Variants in POU5F2 observed in about 807,000 individuals in gnomAD.
The protein encoded by POU5F2 is POU domain class 5, transcription factor 2, also known as POU domain, class 5, transcription factor 2.
For synonymous variants in POU5F2, 191 were observed against 178.7 expected, an observed-to-expected ratio of 1.07 and a Z score of -0.55; for missense variants, 401 against 426.6, an observed-to-expected ratio of 0.94 and a Z score of 0.53.
chr5:93,741,367 C>G lies in POU5F2; in HGVS notation c.197G>C (p.Gly66Ala), dbSNP rs762990553. 17 of 1,611,536 alleles carry G rather than the reference C, an allele frequency of 1.1e-5. No individual in the cohort carries two copies. The Admixed American group carries it at 1.3e-4, about 13-fold the overall frequency. Residue 66 changes from glycine to alanine, a missense_variant, in exon 1 of 1, where the codon GGT (glycine) becomes GCT (alanine). Physicochemically the swap from Gly to Ala is moderately conservative, Grantham distance 60. Transcript: ENST00000606183. The part of the protein sequence containing the change: ...PGPDVWRIPL[G>A]PLPHEFRGWI... ...GCCCCGGAATTCGTGTGGCAGGGGA[C>G]CCAGGGGAATCCTCCACACGTCAGG...
chr5:93,740,109 T>A lies in POU5F2; in HGVS notation c.*468A>T, dbSNP rs1312436449. On this transcript the variant is annotated 3_prime_UTR_variant, in exon 1 of 1. Coordinates refer to ENST00000606183, the MANE Select transcript of POU5F2 (RefSeq NM_153216.2). ...ACATTCTCAAGTCATTCCCTCAAGA[T>A]AACTATTATCCTGGATTTTGTGTTT... The A allele has an allele frequency of 1.3e-5, 2 of 152,544 alleles. No homozygotes were observed. The highest frequency in any genetic ancestry group is 4.8e-5 in the African/African-American group (2 of 41,422). 9.4% of individuals were successfully genotyped at this position (152,544 alleles called of 1,614,324 possible). A position where few individuals can be genotyped will look rare whatever the true frequency, so the allele number is the denominator to read the frequency against.
At position 93,740,461 on chromosome 5, in the gene POU5F2, A is replaced by T; in HGVS notation, c.*116T>A. 3 of 1,147,696 alleles carry T rather than the reference A, an allele frequency of 2.6e-6. No homozygotes were observed. Among genetic ancestry groups the T allele is most frequent in the Non-Finnish European group, 3.7e-6 (3 of 809,878 alleles). 71.1% of individuals were successfully genotyped at this position (1,147,696 alleles called of 1,614,324 possible). The stretch of plus-strand genomic sequence containing the variant: ...CCTACTATGTATCCTTAACTTCTTT[A>T]GACAGTGAATGAGAAATTAATACTA... On this transcript the variant is annotated 3_prime_UTR_variant, in exon 1 of 1. Transcript: ENST00000606183.
At position 93,741,241 on chromosome 5, in the gene POU5F2, C is replaced by G. The variant is rs1377123977; in HGVS notation, c.323G>C (p.Arg108Pro). 4 of 1,613,820 alleles carry G rather than the reference C, an allele frequency of 2.5e-6. No individual in the cohort carries two copies. The highest frequency in any genetic ancestry group is 1.3e-5 in the African/African-American group (1 of 74,940). ...GALPGPYIALRSIPKLPPPED... is the reference protein window; with the variant it reads ...GALPGPYIALPSIPKLPPPED... ...TGGCGGCGGCAACTTCGGAATGCTCCGCAGGGCAATGTAGGGCCCCGGGAG... is the reference window on the plus strand; with the variant it reads ...TGGCGGCGGCAACTTCGGAATGCTCGGCAGGGCAATGTAGGGCCCCGGGAG... Residue 108 changes from arginine (R) to proline (P), a missense_variant, in exon 1 of 1, where the codon CGG becomes CCG. Transcript: ENST00000606183.
rs1468206933 is a variant in POU5F2 at position 93,736,531 on chromosome 5, C to A, written c.*4046G>T. Reference sequence around the variant, plus strand: ...CCCGGGTGAGTCATTTACTCTTACACAAAGATGTCATGAGAATGAGATCCC... The same window carrying A: ...CCCGGGTGAGTCATTTACTCTTACAAAAAGATGTCATGAGAATGAGATCCC... On this transcript the variant is annotated 3_prime_UTR_variant, in exon 1 of 1. Transcript: ENST00000606183. 6.6e-6 allele frequency: 1 copy of A among 151,986 alleles called. No homozygotes were observed. The highest frequency in any genetic ancestry group is 1.5e-5 in the Non-Finnish European group (1 of 68,010). The allele number at this position is 151,986 out of a possible 1,614,324, so 9.4% of individuals were successfully genotyped here. A position where few individuals can be genotyped will look rare whatever the true frequency, so the allele number is the denominator to read the frequency against.
In POU5F2 at chr5:93,736,541, A is replaced by G. The variant is rs1747252254; in HGVS notation, c.*4036T>C. 6.6e-6 allele frequency: 1 copy of G among 152,212 alleles called. No individual in the cohort carries two copies. The highest frequency in any genetic ancestry group is 1.5e-5 in the Non-Finnish European group (1 of 68,040). The allele number at this position is 152,212 out of a possible 1,614,324, so 9.4% of individuals were successfully genotyped here. Reference sequence around the variant, plus strand: ...TCATTTACTCTTACACAAAGATGTCATGAGAATGAGATCCCTCAAAACAGA... The same window carrying G: ...TCATTTACTCTTACACAAAGATGTCGTGAGAATGAGATCCCTCAAAACAGA... On this transcript the variant is annotated 3_prime_UTR_variant, in exon 1 of 1. Transcript: ENST00000606183.
chr5:93,741,056 G>A, the POU5F2 span: 37 of 1,613,814 alleles, frequency 2.3e-5, no homozygotes, highest in Non-Finnish European at 3.1e-5. Context: ...CTTAGCTGCT[G>A]GGCCTCGAAG....
In POU5F2 at chr5:93,736,466, T is replaced by C. The variant is rs571353811; in HGVS notation, c.*4111A>G. ...GCTACATCTGGGCTACTTCATGTTG[T>C]GGACTATGGAAGATCTGGTTTAAAA... On this transcript the variant is annotated 3_prime_UTR_variant, in exon 1 of 1. Coordinates refer to ENST00000606183, the MANE Select transcript of POU5F2 (RefSeq NM_153216.2). 22 of 152,358 alleles carry C rather than the reference T, an allele frequency of 1.4e-4. No individual in the cohort carries two copies. The highest frequency in any genetic ancestry group is 5.3e-4 in the African/African-American group (22 of 41,586). 9.4% of individuals were successfully genotyped at this position (152,358 alleles called of 1,614,324 possible).
rs1209021399 is a variant in POU5F2 at position 93,734,676 on chromosome 5, G to A, written c.*5901C>T. The A allele has an allele frequency of 6.6e-6, 1 of 152,084 alleles. No homozygotes were observed. The highest frequency in any genetic ancestry group is 2.4e-5 in the African/African-American group (1 of 41,406). The allele number at this position is 152,084 out of a possible 1,614,324, so 9.4% of individuals were successfully genotyped here. A position where few individuals can be genotyped will look rare whatever the true frequency, so the allele number is the denominator to read the frequency against. ...AAATTTATTTTTAAAATTAAGGCAG[G>A]GGAAAATCTGGGCAAATATGAAGAC... On this transcript the variant is annotated 3_prime_UTR_variant, in exon 1 of 1. Transcript: ENST00000606183.
At position 93,738,479 on chromosome 5, in the gene POU5F2, CAAAT is replaced by C. The variant is rs1434328309; in HGVS notation, c.*2094_*2097del. ...CAAGAGAACTGAAACAACAGATAAA[CAAAT>C]AGATTATTATATGTAAATGTTCATA... On this transcript the variant is annotated 3_prime_UTR_variant, in exon 1 of 1. Transcript: ENST00000606183. 6.6e-6 allele frequency: 1 copy of C among 152,124 alleles called. No homozygotes were observed. The highest frequency in any genetic ancestry group is 2.4e-5 in the African/African-American group (1 of 41,412). The allele number at this position is 152,124 out of a possible 1,614,324, so 9.4% of individuals were successfully genotyped here.
rs1748208805 is a variant in POU5F2, at chr5:93,740,658, G to C, written c.906C>G (p.Ile302Met). The C allele has an allele frequency of 2.5e-6, 4 of 1,613,894 alleles. No individual in the cohort carries two copies. Among genetic ancestry groups the C allele is most frequent in the Non-Finnish European group, 3.4e-6 (4 of 1,179,818 alleles). ...CAGAGTAGAGACGTGTATAGTGGGG[G>C]ATATCCACTGGGAGCCCCAGTCCCA... ...FHLGLGLPVD[I>M]PHYTRLYSAG... Residue 302 changes from isoleucine (I) to methionine (M), a missense_variant, in exon 1 of 1, where the codon ATC becomes ATG. Physicochemically the swap from Ile to Met is conservative, Grantham distance 10. Coordinates refer to ENST00000606183, the MANE Select transcript of POU5F2 (RefSeq NM_153216.2).
rs1747340437 is a variant in POU5F2 at position 93,736,940 on chromosome 5, C to T, written c.*3637G>A. 6.6e-6 allele frequency: 1 copy of T among 152,134 alleles called. No individual in the cohort carries two copies. The highest frequency in any genetic ancestry group is 2.4e-5 in the African/African-American group (1 of 41,444). 9.4% of individuals were successfully genotyped at this position (152,134 alleles called of 1,614,324 possible). ...GCTACTTTTATACAACACAGTACTA[C>T]ACATTTTTGCCAGAGCAAGTGAGTA... On this transcript the variant is annotated 3_prime_UTR_variant, in exon 1 of 1. Transcript: ENST00000606183.
chr5:93,740,852 G>A, the POU5F2 span: 1 of 1,613,840 alleles, frequency 6.2e-7, no homozygotes, highest in Non-Finnish European at 8.5e-7. Context: ...CTGATTTGCT[G>A]GGGTGTGGGC....
At position 93,737,645 on chromosome 5, in the gene POU5F2, G is replaced by C. The variant is rs558644357; in HGVS notation, c.*2932C>G. On this transcript the variant is annotated 3_prime_UTR_variant, in exon 1 of 1. Transcript: ENST00000606183. ...GTACTGGCATAAAGACAGACATATA[G>C]ACCAACAGAAGAGAGTTGAGAGCCC... is the stretch of plus-strand genomic sequence containing the variant. 1.4e-5 allele frequency: 3 copies of C among 208,416 alleles called. No individual in the cohort carries two copies. Among genetic ancestry groups the C allele is most frequent in the African/African-American group, 7.1e-5 (3 of 42,218 alleles). 12.9% of individuals were successfully genotyped at this position (208,416 alleles called of 1,614,324 possible).
Position 93,736,812 on chromosome 5 carries a change from G to T in POU5F2, c.*3765C>A, listed in dbSNP as rs980344373. The T allele has an allele frequency of 1.3e-5, 2 of 152,138 alleles. No individual in the cohort carries two copies. The allele number at this position is 152,138 out of a possible 1,614,324, so 9.4% of individuals were successfully genotyped here. A position where few individuals can be genotyped will look rare whatever the true frequency, so the allele number is the denominator to read the frequency against. ...AAGAAAAAAGGAACTTCCTCAACAT[G>T]TAGAGTACGTATGAAAAAGCCAGAG... is the stretch of plus-strand genomic sequence containing the variant. On this transcript the variant is annotated 3_prime_UTR_variant, in exon 1 of 1. Transcript: ENST00000606183.
Position 93,739,534 on chromosome 5 carries a change from CAATA to C in POU5F2, c.*1039_*1042del, listed in dbSNP as rs754288582. The C allele has an allele frequency of 4.6e-5, 7 of 151,944 alleles. No homozygotes were observed. Among genetic ancestry groups the C allele is most frequent in the Non-Finnish European group, 7.4e-5 (5 of 68,012 alleles). 9.4% of individuals were successfully genotyped at this position (151,944 alleles called of 1,614,324 possible). A position where few individuals can be genotyped will look rare whatever the true frequency, so the allele number is the denominator to read the frequency against. On this transcript the variant is annotated 3_prime_UTR_variant, in exon 1 of 1. Coordinates refer to ENST00000606183, the MANE Select transcript of POU5F2 (RefSeq NM_153216.2). ...AATACATACTGATAGAATTCTAGGA[CAATA>C]AATAGAGCATGCAGGTGTGTGACAG... is the stretch of plus-strand genomic sequence containing the variant.
In POU5F2 at chr5:93,733,942, C is replaced by T. The variant is rs945372351; in HGVS notation, c.*6635G>A. On this transcript the variant is annotated 3_prime_UTR_variant, in exon 1 of 1. Transcript: ENST00000606183. ...GGCAAGACTATTTCTAGAAGAAAGG[C>T]ATAAACAAAAGTGGCTATTCTGAAA... 3 of 152,096 alleles carry T rather than the reference C, an allele frequency of 2.0e-5. No individual in the cohort carries two copies. Among genetic ancestry groups the T allele is most frequent in the Non-Finnish European group, 2.9e-5 (2 of 67,996 alleles). The allele number at this position is 152,096 out of a possible 1,614,324, so 9.4% of individuals were successfully genotyped here.
chr5:93,737,230 T>C lies in POU5F2; in HGVS notation c.*3347A>G, dbSNP rs555084732. On this transcript the variant is annotated 3_prime_UTR_variant, in exon 1 of 1. Coordinates refer to ENST00000606183, the MANE Select transcript of POU5F2 (RefSeq NM_153216.2). Reference sequence around the variant, plus strand: ...AGAATAAAATGCCCACAAATAACTTTAAGAAAGTGAAAGGCTTGTACACTG... The same window carrying C: ...AGAATAAAATGCCCACAAATAACTTCAAGAAAGTGAAAGGCTTGTACACTG... The C allele has an allele frequency of 3.3e-5, 5 of 152,228 alleles. No homozygotes were observed. Among genetic ancestry groups the C allele is most frequent in the Admixed American group, 3.3e-4 (5 of 15,290 alleles). The allele number at this position is 152,228 out of a possible 1,614,324, so 9.4% of individuals were successfully genotyped here.
chr5:93,736,643 C>G lies in POU5F2; in HGVS notation c.*3934G>C, dbSNP rs1255147162. The G allele has an allele frequency of 2.6e-5, 4 of 152,054 alleles. No individual in the cohort carries two copies. In the East Asian group the frequency reaches 7.7e-4, roughly 29 times the overall value. The allele number at this position is 152,054 out of a possible 1,614,324, so 9.4% of individuals were successfully genotyped here. ...TGTGGGTGCAATGGTGATGGTAGTA[C>G]TGGGGAAGGAAGTAGTGGTACTGGT... On this transcript the variant is annotated 3_prime_UTR_variant, in exon 1 of 1. Transcript: ENST00000606183.
chr5:93,735,257 A>C lies in POU5F2; in HGVS notation c.*5320T>G, dbSNP rs562336461. On this transcript the variant is annotated 3_prime_UTR_variant, in exon 1 of 1. Transcript: ENST00000606183. ...TCACTTCAGTATGAAGTTTTCCCTA[A>C]GGTCCAGCCTTTTCTCTTTTCACAG... is the stretch of plus-strand genomic sequence containing the variant. 9.8e-5 allele frequency: 15 copies of C among 152,334 alleles called. No individual in the cohort carries two copies. The highest frequency in any genetic ancestry group is 3.6e-4 in the African/African-American group (15 of 41,576). 9.4% of individuals were successfully genotyped at this position (152,334 alleles called of 1,614,324 possible). A position where few individuals can be genotyped will look rare whatever the true frequency, so the allele number is the denominator to read the frequency against.
Sources: allele counts gnomAD v4.1 joint callset, GRCh38; gene constraint gnomAD v4.1.1; transcripts MANE v1.5; gene names NCBI Gene and HGNC (gene_info 2026-07-23, HGNC 2026-07-21).